The following PCDHGA5 variants were observed in gnomAD, a reference collection of about 807,000 sequenced individuals.
PCDHGA5 encodes protocadherin gamma subfamily A, 5.
In PCDHGA5, 36 loss-of-function variants were observed where a neutral mutation model predicts 56.7. The ratio of observed to expected loss-of-function variants is 0.64; its 90% confidence interval spans 0.49 to 0.84. The LOEUF (loss-of-function observed/expected upper bound fraction) is 0.84. Among genes scored for constraint, PCDHGA5 ranks in the 40% least tolerant of loss-of-function variants. The probability of loss-of-function intolerance (pLI) is 0.00; values close to 1 mark genes in which losing one functional copy is unlikely to be tolerated. For missense variants in PCDHGA5, 1,305 were observed against 1,201.5 expected, an observed-to-expected ratio of 1.09 and a Z score of -1.27; for synonymous variants, 563 against 520.2, an observed-to-expected ratio of 1.08 and a Z score of -1.12.
intron 2 of PCDHGA5, 160 bp from the exon 3 acceptor site, chr5:141,505,233 C>T: frequency 1.1e-6 from 1 of 872,838 alleles, no homozygotes; most frequent in Non-Finnish European, 1.4e-6. Context: ...ATTCTGGCTT[C>T]TGAAGGATTG....
chr5:141,413,863 G>T, intron 1 of PCDHGA5: 1 of 1,613,356 alleles, frequency 6.2e-7, no homozygotes, highest in Non-Finnish European at 8.5e-7. Flanking sequence ...ATCTGGCACT[G>T]TCCTTGTCAG....
At chr5:141,372,209 C>T (rs1768496951) in intron 1 of PCDHGA5, 2 of 1,613,638 alleles carry the variant, frequency 1.2e-6, no homozygotes, top group Non-Finnish European at 1.7e-6. Context: ...CCTGGCTGTC[C>T]TACCACATTG....
intron 2 of PCDHGA5, among the ~76,000 whole-genome samples, chr5:141,495,587 C>T (rs1391263118): frequency 6.6e-6 from 1 of 152,238 alleles, no homozygotes. Context: ...TTCTCCATCT[C>T]TGTCTTAGCT....
chr5:141,396,830 G>A (rs1014090361), intron 1 of PCDHGA5, among the ~76,000 whole-genome samples: 1 of 152,198 alleles, frequency 6.6e-6, no homozygotes, highest in African/African-American at 2.4e-5. Context: ...TGCATATTCA[G>A]TGGAGTGGGA....
intron 2 of PCDHGA5, among the ~76,000 whole-genome samples, chr5:141,495,175 C>A (rs1337353259): frequency 6.6e-6 from 1 of 152,300 alleles, no homozygotes; most frequent in Middle Eastern, 3.4e-3. Flanking sequence ...TGGGTGAAAG[C>A]GAGGCTTTCT....
chr5:141,392,810 A>G (rs772526220), intron 1 of PCDHGA5: 41 of 1,580,272 alleles, frequency 2.6e-5, no homozygotes, highest in Middle Eastern at 1.7e-4. Context: ...GCAGCAAAAC[A>G]ACAATGGCCG....
chr5:141,501,290 T>C lies in PCDHGA5; in HGVS notation c.2481-4103T>C, dbSNP rs796726601. Among the ~76,000 whole-genome samples, 19 of 136,248 alleles carry C rather than the reference T, an allele frequency of 1.4e-4. No individual in the cohort carries two copies. The South Asian group carries it at 2.4e-3, about 17-fold the overall frequency. 89.4% of individuals were successfully genotyped at this position (136,248 alleles called of 152,430 possible). ...GTCCAGTCTATGGGATATTCCCTTA[T>C]ACACACACACACACACACACACACA... On this transcript the variant is annotated intron_variant, in intron 2 of 3. Coordinates refer to ENST00000518069, the MANE Select transcript of PCDHGA5 (RefSeq NM_018918.3).
intron 3 of PCDHGA5, among the ~76,000 whole-genome samples, chr5:141,509,745 T>C (rs1456852988): frequency 6.6e-6 from 1 of 152,186 alleles, no homozygotes; most frequent in East Asian, 1.9e-4. Context: ...TCTGAGCCTG[T>C]GCCTAAAGTG....
chr5:141,427,546 C>T (rs779995777), intron 1 of PCDHGA5: 1 of 639,564 alleles, frequency 1.6e-6, no homozygotes, highest in South Asian at 1.5e-5. Context: ...GTCACCATCA[C>T]TGCCACTGAC....
At chr5:141,403,838 GA>G (rs751575888) in intron 1 of PCDHGA5, 1 of 1,613,592 alleles carries the variant, frequency 6.2e-7, no homozygotes, top group African/African-American at 1.3e-5. Context: ...CCAGCTTAAT[GA>G]AAATACTGGG....
chr5:141,492,071 C>T (rs992716777), intron 1 of PCDHGA5: 7 of 481,874 alleles, frequency 1.5e-5, no homozygotes, highest in African/African-American at 1.4e-4. Context: ...CTCCTAGGCG[C>T]CGGCTCCGGC....
chr5:141,415,427 G>C, intron 1 of PCDHGA5: 3 of 1,614,188 alleles, frequency 1.9e-6, no homozygotes, highest in Non-Finnish European at 2.5e-6. Flanking sequence ...GACGGGGTTC[G>C]GGCTTTCCTG....
At chr5:141,426,667 A>G in intron 1 of PCDHGA5, 2 of 430,860 alleles carry the variant, frequency 4.6e-6, no homozygotes, top group Non-Finnish European at 9.5e-6. Context: ...ATAAATGATA[A>G]CCCACCTCAT....
At chr5:141,427,480 A>G in intron 1 of PCDHGA5, 1 of 531,758 alleles carries the variant, frequency 1.9e-6, no homozygotes, top group South Asian at 1.5e-5. Context: ...GCCAATAATG[A>G]CTATAAGCTT....
intron 1 of PCDHGA5, among the ~76,000 whole-genome samples, chr5:141,380,738 A>G (rs1282676783): frequency 6.6e-6 from 1 of 152,220 alleles, no homozygotes; most frequent in Non-Finnish European, 1.5e-5. Context: ...CTTTTCTCCA[A>G]AGAAGGTACC....
chr5:141,399,199 C>T (rs2093768918), intron 1 of PCDHGA5: 8 of 1,613,876 alleles, frequency 5.0e-6, no homozygotes, highest in Non-Finnish European at 6.8e-6. Flanking sequence ...AAACGCGGTG[C>T]CTGGAACACT....
intron 1 of PCDHGA5, chr5:141,422,303 A>AAAAC: frequency 6.5e-7 from 1 of 1,548,740 alleles, no homozygotes; most frequent in Non-Finnish European, 8.7e-7. Flanking sequence ...TCAATTCTGG[A>AAAAC]AAACTCTCCT....
intron 1 of PCDHGA5, chr5:141,371,080 G>A: frequency 1.2e-6 from 2 of 1,613,876 alleles, no homozygotes; most frequent in Non-Finnish European, 1.7e-6. Flanking sequence ...ACCCAGATCA[G>A]GGTAATTGTC....
intron 1 of PCDHGA5, chr5:141,393,248 C>A: frequency 4.3e-6 from 7 of 1,613,798 alleles, no homozygotes; most frequent in Non-Finnish European, 5.9e-6. Flanking sequence ...TTAACGAAAT[C>A]GCGGTTCCTG....
Sources: allele counts gnomAD v4.1 joint callset (sites outside exome capture counted in the v4.1 genomes callset), GRCh38; gene constraint gnomAD v4.1.1; transcripts MANE v1.5; gene names NCBI Gene and HGNC (gene_info 2026-07-23, HGNC 2026-07-21).